MAPK9: variants seen among roughly 807,000 people sequenced by gnomAD.
MAPK9 encodes mitogen-activated protein kinase 9.
In MAPK9, 30 loss-of-function variants were observed where a neutral mutation model predicts 57.1. The observed-to-expected ratio is 0.53, with a 90% CI of 0.39 to 0.71. MAPK9 has a LOEUF of 0.71. MAPK9 is among the 30% of genes least tolerant of loss of function. MAPK9 has a pLI of 0.00. For missense variants in MAPK9, 362 were observed against 521.0 expected (o/e 0.69, Z 2.97); for synonymous variants, 155 against 177.0 (o/e 0.88, Z 0.99).
At chr5:180,280,947 A>C (rs543013873) in intron 1 of MAPK9, among the ~76,000 whole-genome samples, 2 of 152,304 alleles carry the variant, frequency 1.3e-5, no homozygotes, top group East Asian at 3.9e-4. Flanking sequence ...CCCTGTGGGC[A>C]AGCTAGGTGT....
intron 2 of MAPK9, among the ~76,000 whole-genome samples, chr5:180,270,229 A>G (rs1254986576): frequency 6.6e-6 from 1 of 152,200 alleles, no homozygotes; most frequent in Non-Finnish European, 1.5e-5. Context: ...TGATTTAAAT[A>G]CTGTTTCTAT....
intron 5 of MAPK9, among the ~76,000 whole-genome samples, chr5:180,260,536 G>A (rs754118708): frequency 1.3e-5 from 2 of 152,086 alleles, no homozygotes; most frequent in African/African-American, 2.4e-5. Context: ...ACCATCTCTG[G>A]ACTGTTGATT....
intron 5 of MAPK9, among the ~76,000 whole-genome samples, chr5:180,252,236 C>T (rs1433406506): frequency 2.0e-5 from 3 of 152,118 alleles, no homozygotes; most frequent in Non-Finnish European, 4.4e-5. Context: ...TGGGCGCTGT[C>T]TGGGCCTCTC....
chr5:180,262,570 T>TAA (rs36105705), intron 4 of MAPK9, among the ~76,000 whole-genome samples: 199 of 146,924 alleles, frequency 1.4e-3, no homozygotes, highest in South Asian at 2.4e-3. Flanking sequence ...AAAATTAAAT[T>TAA]AAAAAAAAAA....
intron 1 of MAPK9, among the ~76,000 whole-genome samples, chr5:180,291,278 C>G (rs1424290566): frequency 2.4e-5 from 3 of 124,474 alleles, no homozygotes; most frequent in Non-Finnish European, 4.6e-5. Context: ...TGTGCAATGA[C>G]AAGGCAAGAG....
At chr5:180,241,289 T>C in intron 8 of MAPK9, 134 bp from the exon 9 acceptor site, 4 of 982,726 alleles carry the variant, frequency 4.1e-6, no homozygotes, top group Non-Finnish European at 5.7e-6. Context: ...AGGTTCAAGA[T>C]GAATATAACC....
In MAPK9 at chr5:180,247,041, A is replaced by C. The variant is rs1424580573; in HGVS notation, c.688+398T>G. ...GTACTTAATTAAAGCACACAAGCACACTAGCCTATTAAATTTAGATAGCAT... is the reference window on the plus strand; with the variant it reads ...GTACTTAATTAAAGCACACAAGCACCCTAGCCTATTAAATTTAGATAGCAT... On this transcript the variant is annotated intron_variant, in intron 7 of 11. Transcript: ENST00000452135. This position sits in a 1 kb window ranked among gnomAD's most constrained non-coding sequence, Gnocchi z 4.5. 2.9e-5 allele frequency: 6 copies of C among 205,124 alleles called. No individual in the cohort carries two copies. In the Admixed American group the frequency reaches 3.2e-4, roughly 11 times the overall value. 12.7% of individuals were successfully genotyped at this position (205,124 alleles called of 1,614,324 possible).
intron 2 of MAPK9, chr5:180,279,692 A>AT: frequency 5.5e-6 from 2 of 360,752 alleles, no homozygotes; most frequent in Non-Finnish European, 1.1e-5. Flanking sequence ...CCAAAAAAAA[A>AT]GAAAAAGAAA....
intron 6 of MAPK9, 116 bp downstream of exon 6, chr5:180,248,857 G>A: frequency 2.0e-6 from 2 of 991,758 alleles, no homozygotes; most frequent in Non-Finnish European, 2.8e-6. Context: ...TATATTCTGG[G>A]TGTAACAGTC....
rs559644698 is a variant in MAPK9 at position 180,289,446 on chromosome 5, A to G, written c.-48+2402T>C. On this transcript the variant is annotated intron_variant, in intron 1 of 11. Transcript: ENST00000452135. ...AAAAGTTAAATGGAGGAAAACATTA[A>G]ATAGATTGGTGGTCATTCTTCCAGA... Among the ~76,000 whole-genome samples the G allele has an allele frequency of 9.9e-4, 151 of 152,320 alleles. 1 individual carries two copies. Among genetic ancestry groups the G allele is most frequent in the African/African-American group, 3.3e-3 (138 of 41,564 alleles).
At chr5:180,261,907 C>A in intron 4 of MAPK9, 85 bp from the exon 5 acceptor site, 1 of 1,163,338 alleles carries the variant, frequency 8.6e-7, no homozygotes, top group Non-Finnish European at 1.2e-6. Flanking sequence ...AACTTACTTC[C>A]AATCACTGCA....
At chr5:180,280,360 T>C in intron 2 of MAPK9, 80 bp downstream of exon 2, 1 of 1,541,602 alleles carries the variant, frequency 6.5e-7, no homozygotes, top group Non-Finnish European at 8.7e-7. Context: ...ATCATCAATG[T>C]TTCTAAATCC....
chr5:180,261,219 G>C (rs1715560031), intron 5 of MAPK9, among the ~76,000 whole-genome samples: 1 of 152,274 alleles, frequency 6.6e-6, no homozygotes, highest in South Asian at 2.1e-4. Flanking sequence ...AAGAGAAATG[G>C]ATATGTGGGT....
chr5:180,289,773 A>C (rs1361915686), intron 1 of MAPK9, among the ~76,000 whole-genome samples: 2 of 152,162 alleles, frequency 1.3e-5, no homozygotes, highest in Non-Finnish European at 2.9e-5. Context: ...AAGCTGAATG[A>C]ATCTGTATTT....
chr5:180,286,200 C>T (rs1474101068), intron 1 of MAPK9, among the ~76,000 whole-genome samples: 1 of 130,500 alleles, frequency 7.7e-6, no homozygotes, highest in African/African-American at 3.0e-5. Context: ...GGCTGGAGTG[C>T]AGTGGCATGA....
chr5:180,249,233 T>G, intron 5 of MAPK9, 95 bp from the exon 6 acceptor site: 4 of 1,136,660 alleles, frequency 3.5e-6, no homozygotes, highest in Non-Finnish European at 4.9e-6. Flanking sequence ...TGTGAGAGTG[T>G]AGGGAGTGAA....
At chr5:180,238,549 T>C (rs1757371724) in intron 10 of MAPK9, 146 bp from the exon 11 acceptor site, 1 of 572,362 alleles carries the variant, frequency 1.7e-6, no homozygotes. Context: ...AGTAATATAG[T>C]CTACCTGGAC....
intron 5 of MAPK9, among the ~76,000 whole-genome samples, chr5:180,258,792 T>C (rs1759579909): frequency 6.8e-6 from 1 of 146,240 alleles, no homozygotes; most frequent in South Asian, 2.1e-4. Context: ...TTTGGGAGGC[T>C]GAGGCAGGCA....
At chr5:180,284,784 C>T (rs983737282) in intron 1 of MAPK9, among the ~76,000 whole-genome samples, 8 of 152,086 alleles carry the variant, frequency 5.3e-5, no homozygotes, top group Admixed American at 1.3e-4. Context: ...CACAGAAGTA[C>T]AACAAGGCCA....
Sources: allele counts gnomAD v4.1 joint callset (sites outside exome capture counted in the v4.1 genomes callset), GRCh38; gene constraint gnomAD v4.1.1; non-coding constraint Gnocchi (gnomAD v3.1); transcripts MANE v1.5; gene names NCBI Gene and HGNC (gene_info 2026-07-23, HGNC 2026-07-21).